Variants in BCL2L14 observed in about 807,000 individuals in gnomAD.
BCL2L14 encodes apoptosis facilitator Bcl-2-like protein 14.
BCL2L14 carries 27 observed loss-of-function variants against 35.3 expected under a neutral mutation model. The ratio of observed to expected loss-of-function variants is 0.76; its 90% CI spans 0.56 to 1.05. The LOEUF (loss-of-function observed/expected upper bound fraction) is 1.05. Ranked by LOEUF, BCL2L14 falls within the 50% of genes least tolerant of loss-of-function variation. BCL2L14 has a pLI of 0.00. For missense variants in BCL2L14, 377 were observed against 382.6 expected (o/e 0.99, Z 0.12); for synonymous variants, 139 against 145.9 (o/e 0.95, Z 0.34).
At chr12:12,055,377 G>A (rs931845740) in intron 2 of BCL2L14, 10 of 152,164 alleles carry the variant, frequency 6.6e-5, no homozygotes, top group Non-Finnish European at 1.2e-4. Flanking sequence ...GATGGGATTC[G>A]TTTGTGCTGA....
intron 1 of BCL2L14, among the ~76,000 whole-genome samples, chr12:12,075,725 G>A (rs1347228937): frequency 7.9e-5 from 12 of 152,002 alleles, no homozygotes; most frequent in Admixed American, 2.0e-4. Context: ...GTCCCCTGCC[G>A]GATATGTTTC....
intron 1 of BCL2L14, among the ~76,000 whole-genome samples, chr12:12,072,958 C>T (rs920112738): frequency 8.6e-5 from 13 of 151,996 alleles, no homozygotes; most frequent in African/African-American, 3.1e-4. Flanking sequence ...GCGATCATAG[C>T]TCACTGCAGC....
intron 2 of BCL2L14, among the ~76,000 whole-genome samples, chr12:12,055,938 C>T (rs1039090577): frequency 6.6e-6 from 1 of 152,112 alleles, no homozygotes; most frequent in African/African-American, 2.4e-5. Flanking sequence ...CTTGGGCATG[C>T]CCCCACCCCC....
chr12:12,066,974 T>A (rs1591810536), upstream of BCL2L14, among the ~76,000 whole-genome samples: 1 of 152,144 alleles, frequency 6.6e-6, no homozygotes. Flanking sequence ...CCTCCCAAAG[T>A]GCTGGGATTA....
In BCL2L14 at chr12:12,076,130, G is replaced by C. The variant is rs1168847412; in HGVS notation, c.-7-3169G>C. Reference sequence around the variant, plus strand: ...GGGTGGGATGCCCGGAAAATGCATGGGGGAGGGTGGGATGCCCGGAAAATG... The same window carrying C: ...GGGTGGGATGCCCGGAAAATGCATGCGGGAGGGTGGGATGCCCGGAAAATG... On this transcript the variant is annotated intron_variant, in intron 1 of 5. Transcript: ENST00000308721. Among the ~76,000 whole-genome samples the C allele has an allele frequency of 7.1e-5, 10 of 140,774 alleles. 1 individual carries two copies. Among genetic ancestry groups the C allele is most frequent in the Non-Finnish European group, 1.4e-4 (9 of 65,194 alleles). The allele number at this position is 140,774 out of a possible 152,430, so 92.4% of individuals were successfully genotyped here.
chr12:12,068,085 A>C (rs188416362), upstream of BCL2L14: 199 of 397,406 alleles, frequency 5.0e-4, 1 homozygote, highest in African/African-American at 3.7e-3. Flanking sequence ...CTGAGACTAC[A>C]GGTGTGCTCC....
chr12:12,079,496 A>G lies in BCL2L14; in HGVS notation c.191A>G (p.Asn64Ser), dbSNP rs763879200. ...SQRGLGNCSANESWTEVSWPC... is the reference protein window; with the variant it reads ...SQRGLGNCSASESWTEVSWPC... ...AGGGGCCTGGGGAATTGTTCAGCAA[A>G]TGAGTCATGGACAGAGGTGTCATGG... Residue 64 changes from asparagine (N) to serine (S), a missense_variant, in exon 2 of 6, where the codon AAT (asparagine) becomes AGT (serine). By Grantham distance (46) the Asn-to-Ser change is conservative (BLOSUM62 1). Transcript: ENST00000308721. 3 of 1,614,132 alleles carry G rather than the reference A, an allele frequency of 1.9e-6. No homozygotes were observed. The highest frequency in any genetic ancestry group is 3.3e-5 in the Admixed American group (2 of 60,010).
At chr12:12,093,567 T>A (rs1435926418) in intron 4 of BCL2L14, among the ~76,000 whole-genome samples, 3 of 151,922 alleles carry the variant, frequency 2.0e-5, no homozygotes, top group Admixed American at 6.6e-5. Flanking sequence ...CCGAGGCAGG[T>A]GGATCACCTA....
At chr12:12,070,468 T>C (rs1948652436), upstream of BCL2L14, among the ~76,000 whole-genome samples, 1 of 152,192 alleles carries the variant, frequency 6.6e-6, no homozygotes, top group Non-Finnish European at 1.5e-5. Context: ...GCAGACCACC[T>C]GAGGCCAGGA....
intron 1 of BCL2L14, among the ~76,000 whole-genome samples, chr12:12,078,931 G>A (rs969867386): frequency 6.6e-6 from 1 of 152,204 alleles, no homozygotes; most frequent in Non-Finnish European, 1.5e-5. Flanking sequence ...CAAGTAGCCG[G>A]GTCTACAGGC....
At chr12:12,095,008 G>A in intron 5 of BCL2L14, 78 bp downstream of exon 5, 1 of 1,512,352 alleles carries the variant, frequency 6.6e-7, no homozygotes, top group Non-Finnish European at 8.8e-7. Context: ...TTTTTTAAAT[G>A]AAGGGAACAC....
chr12:12,095,685 T>G, intron 5 of BCL2L14: 1 of 985,390 alleles, frequency 1.0e-6, no homozygotes, highest in Non-Finnish European at 1.2e-6. Flanking sequence ...TCCACTAGAA[T>G]GGTCCAGGGG....
chr12:12,086,071 T>G (rs1486949817), intron 2 of BCL2L14, among the ~76,000 whole-genome samples: 2 of 152,154 alleles, frequency 1.3e-5, no homozygotes, highest in African/African-American at 4.8e-5. Context: ...CCTAGCACTT[T>G]GGGAGGCTGA....
chr12:12,097,702 TA>T (rs1565494676), intron 5 of BCL2L14, among the ~76,000 whole-genome samples: 1 of 152,020 alleles, frequency 6.6e-6, no homozygotes, highest in Non-Finnish European at 1.5e-5. Context: ...TCAATCTTTA[TA>T]AAACTAGCAG....
At chr12:12,059,935 A>G (rs1158372311) in intron 2 of BCL2L14, among the ~76,000 whole-genome samples, 1 of 152,110 alleles carries the variant, frequency 6.6e-6, no homozygotes, top group African/African-American at 2.4e-5. Context: ...TCTTTTACAC[A>G]TCCGTCCCTC....
In BCL2L14 at chr12:12,097,998, A is replaced by G. The variant is rs370666647; in HGVS notation, c.946-952A>G. 8.6e-5 allele frequency among the ~76,000 whole-genome samples: 13 copies of G among 151,078 alleles called. No individual in the cohort carries two copies. The East Asian group carries it at 2.3e-3, about 27-fold the overall frequency. On this transcript the variant is annotated intron_variant, in intron 5 of 5. Coordinates refer to ENST00000308721, the MANE Select transcript of BCL2L14 (RefSeq NM_138723.2). ...TTTAATTTGGAGCATGTCAGTGGAA[A>G]TTAGGAGAGGGGAGACAAAGAATGT...
rs560210198 is a variant in BCL2L14, at chr12:12,063,548, A to C, written c.-272+11701A>C. Among the ~76,000 whole-genome samples, 165 of 151,998 alleles carry C rather than the reference A, an allele frequency of 1.1e-3. 1 individual carries two copies. Among genetic ancestry groups the C allele is most frequent in the Admixed American group, 9.9e-3 (151 of 15,244 alleles). On this transcript the variant is annotated intron_variant, in intron 2 of 3. Coordinates refer to the BCL2L14 transcript ENST00000461264. ...CTCTCCCACTCTAGGTTCCCACGCCACCCCAATCCCACTCGAAGCAGCCCT... is the reference window on the plus strand; with the variant it reads ...CTCTCCCACTCTAGGTTCCCACGCCCCCCCAATCCCACTCGAAGCAGCCCT...
intron 4 of BCL2L14, among the ~76,000 whole-genome samples, chr12:12,093,210 AG>A (rs1475383349): frequency 6.6e-6 from 1 of 152,180 alleles, no homozygotes; most frequent in Non-Finnish European, 1.5e-5. Context: ...AATGAATTGG[AG>A]TTTTTTTAAG....
intron 2 of BCL2L14, among the ~76,000 whole-genome samples, chr12:12,057,842 C>A (rs1029462257): frequency 6.8e-6 from 1 of 147,866 alleles, no homozygotes; most frequent in Admixed American, 6.7e-5. Context: ...TAGTGGTTAG[C>A]GTCATGGGCC....
Sources: allele counts gnomAD v4.1 joint callset (sites outside exome capture counted in the v4.1 genomes callset), GRCh38; gene constraint gnomAD v4.1.1; transcripts MANE v1.5; gene names NCBI Gene and HGNC (gene_info 2026-07-23, HGNC 2026-07-21).